Variants in GCC2 observed in about 807,000 individuals in gnomAD.
GCC2 encodes the protein GRIP and coiled-coil domain containing 2.
Under a neutral mutation model 210.6 loss-of-function variants are expected in GCC2, and 120 were observed. That is an observed-to-expected ratio of 0.57 (90% confidence interval 0.49 to 0.66). The LOEUF is 0.66. Ranked by LOEUF, GCC2 falls within the 30% of genes least tolerant of loss-of-function variation. The pLI, the probability that GCC2 is intolerant of heterozygous loss-of-function variation, is 0.00. For synonymous variants in GCC2, 703 were observed against 652.7 expected (o/e 1.08, Z -1.17); for missense variants, 1,868 against 1,871.9 (o/e 1.00, Z 0.04).
Position 108,469,058 on chromosome 2 carries a change from A to G in GCC2, c.295A>G (p.Asn99Asp), listed in dbSNP as rs777741289. Residue 99 changes from asparagine (N) to aspartate (D), a missense_variant, in exon 5 of 23, where the codon AAT becomes GAT. Coordinates refer to ENST00000309863, the MANE Select transcript of GCC2 (RefSeq NM_181453.4). ...ACAGTGTCTTTCTCTGAAAAAGGAA[A>G]ATATAAAAATGAAGCAAGAGGTTGA... is the stretch of plus-strand genomic sequence containing the variant. The part of the protein sequence containing the change: ...EQQCLSLKKE[N>D]IKMKQEVEDS... 10 of 1,610,008 alleles carry G rather than the reference A, an allele frequency of 6.2e-6. No homozygotes were observed. Among genetic ancestry groups the G allele is most frequent in the Non-Finnish European group, 8.5e-6 (10 of 1,176,402 alleles).
rs569704528 is a variant in GCC2, at chr2:108,479,786, A to G, written c.3061-1911A>G. ...GATCACCTGAGGTCAATTCAAGACC[A>G]GCCTGGCCAACATGGTGAAACCCCA... On this transcript the variant is annotated intron_variant, in intron 9 of 22. Coordinates refer to ENST00000309863, the MANE Select transcript of GCC2 (RefSeq NM_181453.4). 5.9e-5 allele frequency among the ~76,000 whole-genome samples: 9 copies of G among 152,288 alleles called. No homozygotes were observed. The South Asian group carries it at 6.2e-4, about 11-fold the overall frequency.
At chr2:108,462,387 A>C (rs1379080027) in intron 4 of GCC2, among the ~76,000 whole-genome samples, 4 of 145,508 alleles carry the variant, frequency 2.7e-5, no homozygotes, top group African/African-American at 5.0e-5. Flanking sequence ...CCAGCTACTC[A>C]GGAGGCTGAG....
chr2:108,452,855 A>T (rs974586842), intron 4 of GCC2, among the ~76,000 whole-genome samples: 11 of 151,702 alleles, frequency 7.3e-5, no homozygotes, highest in Middle Eastern at 6.8e-3. Flanking sequence ...CACCACACCC[A>T]GTTAATTTTT....
chr2:108,473,142 T>G (rs531648094), intron 7 of GCC2: 2 of 385,596 alleles, frequency 5.2e-6, no homozygotes, highest in East Asian at 5.1e-5. Flanking sequence ...CATGATTTAT[T>G]TTGGATTTTT....
chr2:108,472,012 C>A lies in GCC2; in HGVS notation c.2683C>A (p.His895Asn). ...VSQTCSKSEIHNEKEKCFIKE... is the reference protein window; with the variant it reads ...VSQTCSKSEINNEKEKCFIKE... Reference sequence around the variant, plus strand: ...TCAAACATGTAGCAAAAGTGAAATCCATAATGAAAAAGAAAAATGTTTTAT... The same window carrying A: ...TCAAACATGTAGCAAAAGTGAAATCAATAATGAAAAAGAAAAATGTTTTAT... Residue 895 changes from histidine to asparagine, a missense_variant, in exon 6 of 23, where the codon CAT becomes AAT. Physicochemically the swap from His to Asn is moderately conservative, Grantham distance 68. Transcript: ENST00000309863. 1 of 1,595,918 alleles carries A rather than the reference C, an allele frequency of 6.3e-7. No individual in the cohort carries two copies. Among genetic ancestry groups the A allele is most frequent in the South Asian group, 1.2e-5 (1 of 86,386 alleles).
chr2:108,498,178 A>ATTTTTTTTT (rs1682737796), intron 21 of GCC2, among the ~76,000 whole-genome samples: 1 of 64,840 alleles, frequency 1.5e-5, no homozygotes, highest in African/African-American at 6.4e-5. Flanking sequence ...TAAATGTTAT[A>ATTTTTTTTT]TTTTCTTTTT....
Position 108,496,244 on chromosome 2 carries a change from A to T in GCC2, c.4643-726A>T, listed in dbSNP as rs1339631532. On this transcript the variant is annotated intron_variant, in intron 20 of 22. Coordinates refer to ENST00000309863, the MANE Select transcript of GCC2 (RefSeq NM_181453.4). ...TTCAGTTTATTCCTCTTGATGAAGT[A>T]ATGCTAAATTTTTGTAGTGATGTTT... 5 of 152,042 alleles carry T rather than the reference A, an allele frequency of 3.3e-5. No individual in the cohort carries two copies. In the East Asian group the frequency reaches 9.7e-4, roughly 30 times the overall value. The allele number at this position is 152,042 out of a possible 1,614,324, so 9.4% of individuals were successfully genotyped here. A position where few individuals can be genotyped will look rare whatever the true frequency, so the allele number is the denominator to read the frequency against.
At chr2:108,485,564 C>A in intron 13 of GCC2, 72 bp from the exon 14 acceptor site, 1 of 771,210 alleles carries the variant, frequency 1.3e-6, no homozygotes, top group Non-Finnish European at 2.1e-6. Context: ...ACAAAGAAGA[C>A]ATATTTGTGT....
intron 22 of GCC2, among the ~76,000 whole-genome samples, chr2:108,505,464 C>G (rs925605831): frequency 6.6e-6 from 1 of 152,156 alleles, no homozygotes. Context: ...AGCCAGTAGG[C>G]TAACCTAATG....
intron 22 of GCC2, among the ~76,000 whole-genome samples, chr2:108,504,621 A>G (rs1050721899): frequency 1.3e-5 from 2 of 152,160 alleles, no homozygotes; most frequent in African/African-American, 4.8e-5. Flanking sequence ...AGCATATTTC[A>G]CAAATTGAGT....
chr2:108,501,797 A>C (rs1682940028), intron 22 of GCC2, among the ~76,000 whole-genome samples: 1 of 152,182 alleles, frequency 6.6e-6, no homozygotes, highest in African/African-American at 2.4e-5. Context: ...AGGCCTGATA[A>C]GATTCAGGCT....
At chr2:108,479,519 T>C (rs1681726266) in intron 9 of GCC2, among the ~76,000 whole-genome samples, 1 of 151,770 alleles carries the variant, frequency 6.6e-6, no homozygotes, top group Non-Finnish European at 1.5e-5. Context: ...CACACACCTA[T>C]AGTCCCAGCT....
In GCC2 at chr2:108,493,820, C is replaced by T. The variant is rs541173837; in HGVS notation, c.4447+1030C>T. ...AAGTAATCAGCCAGGGCAAAGGTCG[C>T]ACAAGAGATTGTAATCTAGCAATCA... On this transcript the variant is annotated intron_variant, in intron 19 of 22. Coordinates refer to ENST00000309863, the MANE Select transcript of GCC2 (RefSeq NM_181453.4). 4.4e-5 allele frequency: 43 copies of T among 985,332 alleles called. No individual in the cohort carries two copies. In the African/African-American group the frequency reaches 7.2e-4, roughly 16 times the overall value. 61.0% of individuals were successfully genotyped at this position (985,332 alleles called of 1,614,324 possible).
chr2:108,485,894 G>T lies in GCC2; in HGVS notation c.3778G>T (p.Val1260Leu). The T allele has an allele frequency of 1.3e-6, 2 of 1,566,796 alleles. No homozygotes were observed. The highest frequency in any genetic ancestry group is 1.2e-5 in the South Asian group (1 of 86,180). Residue 1260 changes from valine (V) to leucine (L), a missense_variant, in exon 15 of 23, where the codon GTA (valine) becomes TTA (leucine). Physicochemically the swap from Val to Leu is conservative, Grantham distance 32 (BLOSUM62 1). This residue lies in a region of GCC2 where 1,847 missense variants were observed against 1,765.2 expected (regional missense o/e 1.05). Transcript: ENST00000309863. ...KGELEASQQQ[V>L]EVYKIQLAEI... ...TGAGCTGGAGGCAAGCCAGCAGCAA[G>T]TAGAAGTCTATAAAGTAAGGGTTTT... is the stretch of plus-strand genomic sequence containing the variant.
intron 9 of GCC2, among the ~76,000 whole-genome samples, chr2:108,476,090 T>G (rs2718701): frequency 0.23 from 30,835 of 134,834 alleles, 3,921 homozygotes; most frequent in African/African-American, 0.33. Flanking sequence ...TGATGAAGTC[T>G]CTCTCTCTCG....
intron 4 of GCC2, among the ~76,000 whole-genome samples, chr2:108,454,140 G>A (rs1680113980): frequency 6.6e-6 from 1 of 152,040 alleles, no homozygotes; most frequent in African/African-American, 2.4e-5. Context: ...ACAGGCACCC[G>A]CCACCATGCC....
chr2:108,489,051 G>A (rs1558754424), intron 17 of GCC2, among the ~76,000 whole-genome samples: 4 of 152,080 alleles, frequency 2.6e-5, no homozygotes, highest in Middle Eastern at 3.4e-3. Flanking sequence ...ATATAAATAC[G>A]TTTTTTAAAA....
Position 108,470,251 on chromosome 2 carries a change from A to G in GCC2, c.922A>G (p.Asn308Asp). 1.2e-6 allele frequency: 2 copies of G among 1,613,690 alleles called. No homozygotes were observed. The highest frequency in any genetic ancestry group is 1.1e-5 in the South Asian group (1 of 90,994). ...AGAAAATTTAAGGAAAGCCACCTCA[A>G]ATGCAAACCAAGACAATCAGATATG... ...ELENLRKATSNANQDNQICSI... is the reference protein window; with the variant it reads ...ELENLRKATSDANQDNQICSI... Residue 308 changes from asparagine to aspartate, a missense_variant, in exon 6 of 23, where the codon AAT becomes GAT. Around this residue, in one of 3 missense-constraint regions of GCC2, gnomAD observed 1,847 missense variants for 1,765.2 expected, o/e 1.05. Coordinates refer to ENST00000309863, the MANE Select transcript of GCC2 (RefSeq NM_181453.4).
chr2:108,489,795 C>T, intron 17 of GCC2, 43 bp from the exon 18 acceptor site: 1 of 1,381,616 alleles, frequency 7.2e-7, no homozygotes, highest in Non-Finnish European at 9.9e-7. Flanking sequence ...AAATCAAATT[C>T]ACCTTTTTCA....
Sources: gnomAD v4.1 joint callset for allele counts (sites outside exome capture counted in the v4.1 genomes callset) on GRCh38, gnomAD v4.1.1 for gene constraint, gnomAD v4.1.1 regional missense constraint, MANE v1.5 for transcripts, NCBI Gene and HGNC (gene_info 2026-07-23, HGNC 2026-07-21) for gene names.